MRPS35: variants seen among roughly 807,000 people sequenced by gnomAD.
MRPS35 encodes the protein small ribosomal subunit protein mS35.
A neutral mutation model predicts 32.7 loss-of-function variants in MRPS35; 29 were observed. The observed-to-expected ratio is 0.89, with a 90% confidence interval of 0.66 to 1.21. The LOEUF is 1.21. Among genes scored for constraint, MRPS35 ranks in the 50% most tolerant of loss-of-function variants. MRPS35 has a pLI of 0.00. For synonymous variants in MRPS35, 148 were observed against 139.3 expected (o/e 1.06, Z -0.44); for missense variants, 373 against 383.8 (o/e 0.97, Z 0.23).
rs144941377 is a variant in MRPS35, at chr12:27,717,747, C to T, written c.321+1289C>T. ...GGAGAATCACTGGGTGAGAGAGTAG[C>T]GGTATATTTGCAATAATGCTAATGG... On this transcript the variant is annotated intron_variant, in intron 3 of 7. Coordinates refer to ENST00000081029, the MANE Select transcript of MRPS35 (RefSeq NM_021821.4). Among the ~76,000 whole-genome samples, 12 of 152,160 alleles carry T rather than the reference C, an allele frequency of 7.9e-5. No homozygotes were observed. In the East Asian group the frequency reaches 1.5e-3, roughly 20 times the overall value.
At chr12:27,714,634 CAAAAAAAA>C (rs531429538) in intron 1 of MRPS35, 138 bp from the exon 2 acceptor site, 1 of 328,758 alleles carries the variant, frequency 3.0e-6, no homozygotes, top group Admixed American at 7.0e-5. Context: ...CTGAGCTTAC[CAAAAAAAA>C]AAAAAAAAAG....
chr12:27,745,727 C>T (rs2061980100), intron 7 of MRPS35, among the ~76,000 whole-genome samples: 1 of 152,204 alleles, frequency 6.6e-6, no homozygotes, highest in South Asian at 2.1e-4. Flanking sequence ...CCCTGCCCCC[C>T]ACAACAGGCC....
intron 5 of MRPS35, among the ~76,000 whole-genome samples, chr12:27,725,413 A>C (rs992151509): frequency 2.6e-5 from 4 of 152,244 alleles, no homozygotes; most frequent in African/African-American, 9.6e-5. Flanking sequence ...TAGGCTTTTT[A>C]ATGGTTTTCT....
At chr12:27,724,786 G>A (rs2061893286) in intron 5 of MRPS35, among the ~76,000 whole-genome samples, 1 of 151,810 alleles carries the variant, frequency 6.6e-6, no homozygotes, top group African/African-American at 2.4e-5. Flanking sequence ...TCTACTATTT[G>A]TAACCACTGT....
chr12:27,754,256 C>A (rs1487350116), intron 7 of MRPS35, among the ~76,000 whole-genome samples: 1 of 150,776 alleles, frequency 6.6e-6, no homozygotes, highest in South Asian at 2.1e-4. Flanking sequence ...TCTGTCTTGG[C>A]GGGGGAAAAA....
At chr12:27,723,472 C>CA (rs1296348469) in intron 4 of MRPS35, among the ~76,000 whole-genome samples, 3 of 152,120 alleles carry the variant, frequency 2.0e-5, no homozygotes, top group Non-Finnish European at 4.4e-5. Context: ...ATAGAAGTCA[C>CA]ATAGAAAAAA....
intron 5 of MRPS35, among the ~76,000 whole-genome samples, chr12:27,725,890 C>G (rs1314451621): frequency 7.4e-6 from 1 of 134,244 alleles, no homozygotes; most frequent in Non-Finnish European, 1.5e-5. Flanking sequence ...ACTGCAGTCT[C>G]TTCCATCCGG....
intron 4 of MRPS35, among the ~76,000 whole-genome samples, chr12:27,721,489 C>G (rs1011747804): frequency 6.6e-6 from 1 of 152,072 alleles, no homozygotes; most frequent in Non-Finnish European, 1.5e-5. Context: ...GAAACCCCAT[C>G]TCTACAAAAA....
At chr12:27,726,321 ATTATT>A (rs2061900550) in intron 5 of MRPS35, among the ~76,000 whole-genome samples, 1 of 152,072 alleles carries the variant, frequency 6.6e-6, no homozygotes. Context: ...TGTAGCATGT[ATTATT>A]TTATCATTTC....
chr12:27,736,830 A>G (rs186648585), intron 6 of MRPS35, among the ~76,000 whole-genome samples: 2 of 152,304 alleles, frequency 1.3e-5, no homozygotes, highest in Non-Finnish European at 2.9e-5. Flanking sequence ...AGCTCTAGGA[A>G]AACCAAGATT....
intron 7 of MRPS35, among the ~76,000 whole-genome samples, chr12:27,745,745 G>A (rs547615354): frequency 4.0e-5 from 6 of 151,530 alleles, no homozygotes; most frequent in Non-Finnish European, 5.9e-5. Context: ...GCCCCAGTGT[G>A]TGATGTTCCC....
intron 7 of MRPS35, among the ~76,000 whole-genome samples, chr12:27,738,486 A>G (rs2061951127): frequency 6.6e-6 from 1 of 152,218 alleles, no homozygotes; most frequent in African/African-American, 2.4e-5. Context: ...GTTTTCATGT[A>G]AGTATGTACA....
chr12:27,736,539 T>C (rs2061943941), intron 6 of MRPS35, among the ~76,000 whole-genome samples: 1 of 151,892 alleles, frequency 6.6e-6, no homozygotes, highest in African/African-American at 2.4e-5. Context: ...TGTTAGTGTA[T>C]GGATATGTTT....
rs1186595357 is a variant in MRPS35, at chr12:27,755,779, T to A, written c.*329T>A. 1 of 160,874 alleles carries A rather than the reference T, an allele frequency of 6.2e-6. No individual in the cohort carries two copies. Among genetic ancestry groups the A allele is most frequent in the Non-Finnish European group, 1.3e-5 (1 of 74,414 alleles). The allele number at this position is 160,874 out of a possible 1,614,324, so 10.0% of individuals were successfully genotyped here. On this transcript the variant is annotated 3_prime_UTR_variant, in exon 8 of 8. Transcript: ENST00000081029. ...ATTTCTTTCCCCACAAGCTGGCATTTCAGTAGTTGCTTTTGAATAATGGTT... is the reference window on the plus strand; with the variant it reads ...ATTTCTTTCCCCACAAGCTGGCATTACAGTAGTTGCTTTTGAATAATGGTT...
At chr12:27,745,675 C>T (rs1015890602) in intron 7 of MRPS35, among the ~76,000 whole-genome samples, 2 of 151,958 alleles carry the variant, frequency 1.3e-5, no homozygotes, top group Non-Finnish European at 2.9e-5. Flanking sequence ...CCCATTAACT[C>T]GTCATTTAAC....
Position 27,711,698 on chromosome 12 carries a change from C to A in MRPS35, c.112+743C>A, listed in dbSNP as rs565620114. On this transcript the variant is annotated intron_variant, in intron 1 of 7. Transcript: ENST00000081029. The stretch of plus-strand genomic sequence containing the variant: ...CAAGTTTTTTTTCCGTTTCCTGTTT[C>A]CCCTCTTGCTCTCCTACATTGAATT... Among the ~76,000 whole-genome samples, 4 of 151,692 alleles carry A rather than the reference C, an allele frequency of 2.6e-5. No homozygotes were observed. In the South Asian group the frequency reaches 8.4e-4, roughly 32 times the overall value.
At chr12:27,726,164 T>C (rs1231459459) in intron 5 of MRPS35, among the ~76,000 whole-genome samples, 3 of 151,934 alleles carry the variant, frequency 2.0e-5, no homozygotes, top group Non-Finnish European at 4.4e-5. Flanking sequence ...TGCTATAGAA[T>C]TCCCCCCTTA....
chr12:27,750,677 C>T (rs1364545203), intron 7 of MRPS35, among the ~76,000 whole-genome samples: 2 of 152,102 alleles, frequency 1.3e-5, no homozygotes, highest in African/African-American at 4.8e-5. Context: ...TGGTGGTACT[C>T]TCTGGTAGTC....
At chr12:27,712,855 G>A (rs1291922925) in intron 1 of MRPS35, among the ~76,000 whole-genome samples, 1 of 152,082 alleles carries the variant, frequency 6.6e-6, no homozygotes, top group Non-Finnish European at 1.5e-5. Flanking sequence ...CGTCTCTATT[G>A]AAAATACAAG....
Sources: gnomAD v4.1 joint callset for allele counts (sites outside exome capture counted in the v4.1 genomes callset) on GRCh38, gnomAD v4.1.1 for gene constraint, MANE v1.5 for transcripts, NCBI Gene and HGNC (gene_info 2026-07-23, HGNC 2026-07-21) for gene names.